Variants in RAD51B observed in about 807,000 individuals in gnomAD.
RAD51B encodes the protein DNA repair protein RAD51 homolog 2.
In RAD51B, 38 loss-of-function variants were observed where a neutral mutation model predicts 42.2. The ratio of observed to expected loss-of-function variants is 0.90; its 90% CI spans 0.70 to 1.18. The LOEUF is 1.18. RAD51B is among the 50% of genes most tolerant of loss of function. The probability of loss-of-function intolerance (pLI) is 0.00; values close to 1 mark genes in which losing one functional copy is unlikely to be tolerated. For missense variants in RAD51B, 373 were observed against 400.7 expected, an observed-to-expected ratio of 0.93 and a Z score of 0.59; for synonymous variants, 154 against 145.2, an observed-to-expected ratio of 1.06 and a Z score of -0.43.
At chr14:68,098,567 G>A (rs1462764313) in intron 7 of RAD51B, among the ~76,000 whole-genome samples, 6 of 152,326 alleles carry the variant, frequency 3.9e-5, no homozygotes, top group East Asian at 1.9e-4. Context: ...GAGGAAAAAC[G>A]AGGATGATGC....
At chr14:68,627,818 C>G (rs1892123688) in intron 10 of RAD51B, among the ~76,000 whole-genome samples, 1 of 152,200 alleles carries the variant, frequency 6.6e-6, no homozygotes, top group South Asian at 2.1e-4. Context: ...TTCTTTCTTT[C>G]TTCTGCATAA....
intron 7 of RAD51B, among the ~76,000 whole-genome samples, chr14:68,099,905 A>C (rs933048966): frequency 6.6e-6 from 1 of 152,196 alleles, no homozygotes; most frequent in Non-Finnish European, 1.5e-5. Context: ...AAACCGATTA[A>C]ATCTGGAAGG....
rs71129885 is a variant in RAD51B, at chr14:68,415,031, C to CAAAAAA, written c.957+3527_957+3532dup. 9.8e-4 allele frequency among the ~76,000 whole-genome samples: 32 copies of CAAAAAA among 32,504 alleles called. 6 individuals are homozygous for CAAAAAA. Among genetic ancestry groups the CAAAAAA allele is most frequent in the Admixed American group, 1.9e-3 (4 of 2,060 alleles). The allele number at this position is 32,504 out of a possible 152,430, so 21.3% of individuals were successfully genotyped here. The stretch of plus-strand genomic sequence containing the variant: ...TGGGTGACAGAGCAAGACTCTGTCT[C>CAAAAAA]AAAAAAAAAAAAAAAAAAAAAAAAA... On this transcript the variant is annotated intron_variant, in intron 9 of 10. Transcript: ENST00000471583.
intron 9 of RAD51B, among the ~76,000 whole-genome samples, chr14:68,441,293 A>G (rs968678898): frequency 6.6e-6 from 1 of 150,902 alleles, no homozygotes; most frequent in African/African-American, 2.4e-5. Flanking sequence ...CTGTAATCCC[A>G]GCACTTTGGG....
chr14:68,304,020 A>C (rs1477292883), intron 8 of RAD51B, among the ~76,000 whole-genome samples: 4 of 152,126 alleles, frequency 2.6e-5, no homozygotes. Context: ...AAATACAAAA[A>C]TTAGCTGGAT....
intron 7 of RAD51B, among the ~76,000 whole-genome samples, chr14:67,912,734 C>T (rs546104175): frequency 1.4e-3 from 209 of 148,582 alleles, no homozygotes; most frequent in African/African-American, 5.0e-3. Flanking sequence ...GAGATGGAGT[C>T]TCACTCTGTT....
chr14:67,976,037 A>G (rs1006570651), intron 7 of RAD51B, among the ~76,000 whole-genome samples: 1 of 149,122 alleles, frequency 6.7e-6, no homozygotes, highest in Admixed American at 6.7e-5. Flanking sequence ...TGTTTCTTGC[A>G]CCTCTTTCAT....
intron 8 of RAD51B, among the ~76,000 whole-genome samples, chr14:68,384,117 T>C (rs1170811254): frequency 6.6e-6 from 1 of 152,252 alleles, no homozygotes; most frequent in Non-Finnish European, 1.5e-5. Flanking sequence ...TCAAGTCAGC[T>C]TTTCACTTTG....
intron 4 of RAD51B, among the ~76,000 whole-genome samples, chr14:67,855,323 C>T (rs547745063): frequency 1.2e-4 from 18 of 152,048 alleles, no homozygotes; most frequent in South Asian, 2.1e-4. Flanking sequence ...CTCCGCCTCC[C>T]GGGTTCATGC....
chr14:68,175,496 T>C (rs2078947020), intron 7 of RAD51B, among the ~76,000 whole-genome samples: 1 of 152,158 alleles, frequency 6.6e-6, no homozygotes, highest in African/African-American at 2.4e-5. Context: ...AGGTGGAAAA[T>C]AGCTACGAAA....
At chr14:68,163,059 G>A (rs549377639) in intron 7 of RAD51B, among the ~76,000 whole-genome samples, 15 of 152,162 alleles carry the variant, frequency 9.9e-5, no homozygotes, top group South Asian at 2.1e-4. Context: ...CTTGCAAGTC[G>A]TTTCTGAATT....
chr14:67,902,028 T>C (rs1339501109), intron 7 of RAD51B, among the ~76,000 whole-genome samples: 1 of 152,136 alleles, frequency 6.6e-6, no homozygotes, highest in Non-Finnish European at 1.5e-5. Flanking sequence ...AAAATTACAC[T>C]GTATCCCATA....
At chr14:68,231,949 A>G (rs927708298) in intron 7 of RAD51B, among the ~76,000 whole-genome samples, 1 of 152,202 alleles carries the variant, frequency 6.6e-6, no homozygotes, top group African/African-American at 2.4e-5. Flanking sequence ...AAGCAGACTC[A>G]GGAAAGAAAG....
chr14:67,911,049 C>T (rs2043963260), intron 7 of RAD51B, among the ~76,000 whole-genome samples: 1 of 152,090 alleles, frequency 6.6e-6, no homozygotes, highest in Non-Finnish European at 1.5e-5. Flanking sequence ...AACTCCTGGC[C>T]TCAAGTGATC....
At chr14:68,658,359 AT>A (rs1472701598) in intron 11 of RAD51B, among the ~76,000 whole-genome samples, 2 of 152,220 alleles carry the variant, frequency 1.3e-5, no homozygotes, top group Non-Finnish European at 2.9e-5. Flanking sequence ...ACCTGTCCTC[AT>A]GGTGCATGGC....
At chr14:68,171,692 G>C (rs1384604115) in intron 7 of RAD51B, among the ~76,000 whole-genome samples, 1 of 151,888 alleles carries the variant, frequency 6.6e-6, no homozygotes, top group African/African-American at 2.4e-5. Context: ...CTTTCATCTT[G>C]TTTGTCATAT....
At chr14:67,973,719 T>A (rs973632410) in intron 7 of RAD51B, among the ~76,000 whole-genome samples, 1 of 152,186 alleles carries the variant, frequency 6.6e-6, no homozygotes, top group Non-Finnish European at 1.5e-5. Context: ...TTGTCCTGAT[T>A]ACAGCTCTTT....
At chr14:68,189,865 G>C (rs755307462) in intron 7 of RAD51B, among the ~76,000 whole-genome samples, 1 of 151,876 alleles carries the variant, frequency 6.6e-6, no homozygotes, top group Non-Finnish European at 1.5e-5. Flanking sequence ...TAGATTTCAC[G>C]ATGTTGATCA....
intron 7 of RAD51B, among the ~76,000 whole-genome samples, chr14:68,174,545 G>A (rs894919190): frequency 1.3e-5 from 2 of 152,148 alleles, no homozygotes; most frequent in African/African-American, 2.4e-5. Context: ...TGTTTAAAAA[G>A]TATATGACTG....
Sources: allele counts gnomAD v4.1 joint callset (sites outside exome capture counted in the v4.1 genomes callset), GRCh38; gene constraint gnomAD v4.1.1; transcripts MANE v1.5; gene names NCBI Gene and HGNC (gene_info 2026-07-23, HGNC 2026-07-21).